NPRL3: variants seen among roughly 807,000 people sequenced by gnomAD.
The protein encoded by NPRL3 is NPR3 like, GATOR1 complex subunit, also known as GATOR1 complex protein NPRL3.
A neutral mutation model predicts 57.2 loss-of-function variants in NPRL3; 23 were observed. That is an observed-to-expected ratio of 0.40 (90% confidence interval 0.29 to 0.57). NPRL3 has a LOEUF of 0.57. Ranked by LOEUF, NPRL3 falls within the 20% of genes least tolerant of loss-of-function variation. The probability of loss-of-function intolerance (pLI) is 0.42; values close to 1 mark genes in which losing one functional copy is unlikely to be tolerated. For synonymous variants in NPRL3, 333 were observed against 321.1 expected (o/e 1.04, Z -0.39); for missense variants, 691 against 767.1 (o/e 0.90, Z 1.17).
chr16:89,170 G>A (rs1898645446), intron 12 of NPRL3: 1 of 455,382 alleles, frequency 2.2e-6, no homozygotes, highest in Non-Finnish European at 4.0e-6. Flanking sequence ...GTGGGCCTGG[G>A]CATCCTGTCC....
chr16:92,885 G>C lies in NPRL3; in HGVS notation c.1032-160C>G, dbSNP rs1432622592. 4 of 838,834 alleles carry C rather than the reference G, an allele frequency of 4.8e-6. No homozygotes were observed. The African/African-American group carries it at 5.1e-5, about 11-fold the overall frequency. The allele number at this position is 838,834 out of a possible 1,614,324, so 52.0% of individuals were successfully genotyped here. On this transcript the variant is annotated intron_variant, in intron 10 of 13. Transcript: ENST00000611875. ...GGCCAGGCAGGCCTCCAGGTGGACAGAGCCTGGGCACTTCCCCTTGAGCAG... is the reference window on the plus strand; with the variant it reads ...GGCCAGGCAGGCCTCCAGGTGGACACAGCCTGGGCACTTCCCCTTGAGCAG...
In NPRL3 at chr16:119,065, C is replaced by T. The variant is rs13339339; in HGVS notation, c.318+61G>A. ...CCACACCTGCCCAAGGAGAGCCACA[C>T]CTGCCCAAGGAGAGCCACATCTGCC... On this transcript the variant is annotated intron_variant, in intron 4 of 13. Transcript: ENST00000611875. 2.9e-4 allele frequency: 439 copies of T among 1,491,838 alleles called. 1 individual carries two copies. The highest frequency in any genetic ancestry group is 6.4e-4 in the Middle Eastern group (3 of 4,702). 92.4% of individuals were successfully genotyped at this position (1,491,838 alleles called of 1,614,324 possible). A position where few individuals can be genotyped will look rare whatever the true frequency, so the allele number is the denominator to read the frequency against.
At chr16:89,691 A>T (rs1412288484) in intron 12 of NPRL3, 22 bp downstream of exon 12, 2 of 1,533,288 alleles carry the variant, frequency 1.3e-6, no homozygotes, top group Admixed American at 4.2e-5. Context: ...TGACTACCAC[A>T]GCGGTGCCCT....
intron 2 of NPRL3, among the ~76,000 whole-genome samples, chr16:136,404 T>C (rs1356612706): frequency 2.0e-5 from 3 of 152,186 alleles, no homozygotes; most frequent in African/African-American, 4.8e-5. Flanking sequence ...AAAACACAAG[T>C]GCAGGCTGGG....
intron 2 of NPRL3, among the ~76,000 whole-genome samples, chr16:137,790 C>A (rs1176747777): frequency 6.6e-6 from 1 of 152,012 alleles, no homozygotes; most frequent in Non-Finnish European, 1.5e-5. Context: ...GTCTCGAACT[C>A]CTGACCTCAG....
chr16:118,373 T>C (rs775438670), intron 4 of NPRL3, among the ~76,000 whole-genome samples: 1 of 152,146 alleles, frequency 6.6e-6, no homozygotes, highest in African/African-American at 2.4e-5. Flanking sequence ...CAAGAGAACA[T>C]ATAGAGAGGG....
intron 5 of NPRL3, among the ~76,000 whole-genome samples, chr16:115,110 G>A (rs538446601): frequency 2.6e-5 from 4 of 151,812 alleles, no homozygotes; most frequent in African/African-American, 9.7e-5. Context: ...AGGTAGCTGG[G>A]ACTACAGGCG....
chr16:103,337 G>T (rs1228273479), intron 7 of NPRL3, among the ~76,000 whole-genome samples: 2 of 78,038 alleles, frequency 2.6e-5, no homozygotes, highest in Non-Finnish European at 4.9e-5. Flanking sequence ...TAGAGACAGG[G>T]TCTATGTTGC....
At chr16:122,068 C>T (rs532738335) in intron 3 of NPRL3, among the ~76,000 whole-genome samples, 1 of 151,700 alleles carries the variant, frequency 6.6e-6, no homozygotes, top group Non-Finnish European at 1.5e-5. Context: ...AGCCACCACG[C>T]CCGGCCCCAT....
chr16:91,016 G>A, intron 11 of NPRL3: 1 of 152,144 alleles, frequency 6.6e-6, no homozygotes, highest in Non-Finnish European at 1.5e-5. Flanking sequence ...GGAGGCGGAG[G>A]TTGCAGTGAG....
chr16:102,669 C>T (rs2141930285), intron 7 of NPRL3, among the ~76,000 whole-genome samples: 1 of 152,322 alleles, frequency 6.6e-6, no homozygotes, highest in East Asian at 1.9e-4. Context: ...GCCAACACAC[C>T]CACATCCGGC....
At chr16:93,780 G>T (rs1265169391) in intron 9 of NPRL3, among the ~76,000 whole-genome samples, 1 of 152,144 alleles carries the variant, frequency 6.6e-6, no homozygotes, top group East Asian at 1.9e-4. Flanking sequence ...TGGCCAGGAT[G>T]GTCTCGATCT....
At chr16:93,841 A>T (rs1202052043) in intron 9 of NPRL3, among the ~76,000 whole-genome samples, 3 of 152,166 alleles carry the variant, frequency 2.0e-5, no homozygotes, top group Non-Finnish European at 4.4e-5. Context: ...GATTACAGGC[A>T]TGAGCCACCG....
At chr16:92,761 AC>A (rs768274994) in intron 10 of NPRL3, 36 bp from the exon 11 acceptor site, 8 of 1,606,890 alleles carry the variant, frequency 5.0e-6, no homozygotes, top group Admixed American at 3.4e-5. Flanking sequence ...AGTGCAGCAG[AC>A]CCCCCCACCG....
chr16:98,416 T>G, intron 8 of NPRL3, 115 bp from the exon 9 acceptor site: 1 of 1,161,058 alleles, frequency 8.6e-7, no homozygotes, highest in South Asian at 1.5e-5. Context: ...GCACCAGGTA[T>G]GCACCGGGTA....
intron 2 of NPRL3, among the ~76,000 whole-genome samples, chr16:133,466 G>A (rs963632217): frequency 3.3e-5 from 5 of 151,818 alleles, no homozygotes; most frequent in Non-Finnish European, 5.9e-5. Flanking sequence ...TTCTGACCTC[G>A]TGATCCGCCC....
chr16:100,470 G>A lies in NPRL3; in HGVS notation c.669C>T (p.Ser223=). The change falls in exon 8 of 14, where the codon AGC becomes AGT. Residue 223 remains serine (S), a synonymous_variant. Coordinates refer to ENST00000611875, the MANE Select transcript of NPRL3 (RefSeq NM_001077350.3). ...GCAGGCAGAAGCTCACCTCCAGCCA[G>A]CTGTTGATGTGAAGCCGAACTACGC... ...TSGVVRLHIN[S]WLEVSFCLPH... The A allele has an allele frequency of 3.1e-6, 5 of 1,601,926 alleles. No homozygotes were observed. The highest frequency in any genetic ancestry group is 4.3e-6 in the Non-Finnish European group (5 of 1,175,630).
chr16:95,350 T>TATATACATAC (rs1223611120), intron 9 of NPRL3, among the ~76,000 whole-genome samples: 1 of 110,990 alleles, frequency 9.0e-6, no homozygotes, highest in African/African-American at 3.7e-5. Flanking sequence ...TATATATATA[T>TATATACATAC]ACACACACAC....
At chr16:124,353 T>C (rs1006965508) in intron 3 of NPRL3, among the ~76,000 whole-genome samples, 2 of 152,110 alleles carry the variant, frequency 1.3e-5, no homozygotes. Context: ...CTTTTCTTTT[T>C]TTTTTTCCTT....
Sources: gnomAD v4.1 joint callset for allele counts (sites outside exome capture counted in the v4.1 genomes callset) on GRCh38, gnomAD v4.1.1 for gene constraint, MANE v1.5 for transcripts, NCBI Gene and HGNC (gene_info 2026-07-23, HGNC 2026-07-21) for gene names.